Variants in OSBPL8 observed in about 807,000 individuals in gnomAD.
The protein encoded by OSBPL8 is oxysterol binding protein like 8.
Under a neutral mutation model 125.5 loss-of-function variants are expected in OSBPL8, and 59 were observed. The ratio of observed to expected loss-of-function variants is 0.47; its 90% CI spans 0.38 to 0.58. OSBPL8 has a LOEUF of 0.58. Among genes scored for constraint, OSBPL8 ranks in the 20% least tolerant of loss-of-function variants. OSBPL8 has a pLI of 0.00. For missense variants in OSBPL8, 758 were observed against 1,047.8 expected (o/e 0.72, Z 3.82); for synonymous variants, 330 against 338.9 (o/e 0.97, Z 0.29).
intron 1 of OSBPL8, among the ~76,000 whole-genome samples, chr12:76,540,488 G>A (rs1330261888): frequency 9.0e-5 from 1 of 11,118 alleles, no homozygotes; most frequent in African/African-American, 5.3e-4. Context: ...TTATATAGTC[G>A]TGTGTGTGTG....
At chr12:76,557,254 GATT>G (rs1201699620) in intron 1 of OSBPL8, among the ~76,000 whole-genome samples, 2 of 152,164 alleles carry the variant, frequency 1.3e-5, no homozygotes, top group Admixed American at 6.5e-5. Flanking sequence ...ACTTTTGAAG[GATT>G]ATTTACAAAC....
Position 76,352,668 on chromosome 12 carries a change from G to A in OSBPL8, c.*3221C>T, listed in dbSNP as rs533253190. The stretch of plus-strand genomic sequence containing the variant: ...AATATAATCTGCAGTCTCATGTATG[G>A]CTTATCAATAATGCCATCATCACTG... On this transcript the variant is annotated 3_prime_UTR_variant, in exon 24 of 24. Coordinates refer to ENST00000261183, the MANE Select transcript of OSBPL8 (RefSeq NM_020841.5). 1 of 152,474 alleles carries A rather than the reference G, an allele frequency of 6.6e-6. No homozygotes were observed. Among genetic ancestry groups the A allele is most frequent in the African/African-American group, 2.4e-5 (1 of 41,498 alleles). The allele number at this position is 152,474 out of a possible 1,614,324, so 9.4% of individuals were successfully genotyped here. A position where few individuals can be genotyped will look rare whatever the true frequency, so the allele number is the denominator to read the frequency against.
chr12:76,478,326 A>G, intron 2 of OSBPL8, among the ~76,000 whole-genome samples: 1 of 152,054 alleles, frequency 6.6e-6, no homozygotes, highest in East Asian at 1.9e-4. Context: ...AATATAAAGT[A>G]CCATGGTATT....
chr12:76,457,912 C>T (rs1874253515), intron 3 of OSBPL8, among the ~76,000 whole-genome samples: 2 of 152,166 alleles, frequency 1.3e-5, no homozygotes, highest in East Asian at 3.9e-4. Context: ...ATTAAAGAAA[C>T]TGAAGAATCC....
At chr12:76,508,541 G>GGGAACGCCTC (rs1160950144) in intron 1 of OSBPL8, among the ~76,000 whole-genome samples, 3 of 152,166 alleles carry the variant, frequency 2.0e-5, no homozygotes, top group Non-Finnish European at 4.4e-5. Context: ...TTCCCAGGAG[G>GGGAACGCCTC]TGAGGCGTTC....
chr12:76,365,080 C>T (rs751332954), intron 21 of OSBPL8, among the ~76,000 whole-genome samples: 1 of 152,132 alleles, frequency 6.6e-6, no homozygotes, highest in East Asian at 1.9e-4. Context: ...CTCAGCTTCC[C>T]GAGTAGCTGA....
At chr12:76,387,582 G>T (rs1293409617) in intron 12 of OSBPL8, among the ~76,000 whole-genome samples, 1 of 152,132 alleles carries the variant, frequency 6.6e-6, no homozygotes, top group South Asian at 2.1e-4. Flanking sequence ...CTGAGAAGTT[G>T]ATTTTGTTAT....
intron 21 of OSBPL8, among the ~76,000 whole-genome samples, chr12:76,360,421 T>C (rs1259169324): frequency 6.6e-6 from 1 of 152,220 alleles, no homozygotes; most frequent in African/African-American, 2.4e-5. Context: ...GGGTATCCCC[T>C]CCTGGCTGCT....
At chr12:76,447,838 C>T (rs1352970688) in intron 4 of OSBPL8, among the ~76,000 whole-genome samples, 1 of 152,196 alleles carries the variant, frequency 6.6e-6, no homozygotes, top group African/African-American at 2.4e-5. Context: ...TGAGCCACTG[C>T]ACCCGGTCAG....
At chr12:76,422,728 C>T in intron 4 of OSBPL8, 1 of 409,018 alleles carries the variant, frequency 2.4e-6, no homozygotes. Context: ...AGGCTTTTCT[C>T]TCACATCCAA....
At chr12:76,510,429 A>G (rs559457002) in intron 1 of OSBPL8, among the ~76,000 whole-genome samples, 8 of 152,350 alleles carry the variant, frequency 5.3e-5, no homozygotes, top group Non-Finnish European at 1.0e-4. Flanking sequence ...AAAACAAGAA[A>G]TCATTACTAT....
At chr12:76,477,582 G>A (rs1358881048) in intron 2 of OSBPL8, among the ~76,000 whole-genome samples, 5 of 152,024 alleles carry the variant, frequency 3.3e-5, no homozygotes, top group African/African-American at 1.2e-4. Flanking sequence ...TCATAATCAA[G>A]AAGAACATGA....
chr12:76,470,859 A>C (rs1163097809), intron 2 of OSBPL8, among the ~76,000 whole-genome samples: 1 of 152,212 alleles, frequency 6.6e-6, no homozygotes, highest in Non-Finnish European at 1.5e-5. Context: ...CTAGATAGAA[A>C]AGTCAAAATT....
intron 19 of OSBPL8, 24 bp from the exon 20 acceptor site, chr12:76,369,846 A>G: frequency 3.8e-6 from 6 of 1,574,496 alleles, no homozygotes; most frequent in South Asian, 3.5e-5. Flanking sequence ...GAAAATATTA[A>G]AAGTATTAAA....
chr12:76,369,924 A>G (rs774314020), intron 19 of OSBPL8, 102 bp from the exon 20 acceptor site: 5 of 1,160,920 alleles, frequency 4.3e-6, no homozygotes, highest in South Asian at 1.8e-5. Flanking sequence ...TAATGCTCAC[A>G]TGAATTTCTG....
In OSBPL8 at chr12:76,411,892, T is replaced by C. The variant is rs114316996; in HGVS notation, c.218-1258A>G. ...CACCATCCAGGTACAGGTGAAAACATAGAGCAACTGAAACTCTGTTCACTA... is the reference window on the plus strand; with the variant it reads ...CACCATCCAGGTACAGGTGAAAACACAGAGCAACTGAAACTCTGTTCACTA... On this transcript the variant is annotated intron_variant, in intron 4 of 23. Transcript: ENST00000261183. Among the ~76,000 whole-genome samples, 826 of 152,170 alleles carry C rather than the reference T, an allele frequency of 5.4e-3. 5 individuals are homozygous for C. Among genetic ancestry groups the C allele is most frequent in the African/African-American group, 0.019 (781 of 41,514 alleles).
chr12:76,491,262 C>T (rs188794063), intron 1 of OSBPL8, among the ~76,000 whole-genome samples: 315 of 152,286 alleles, frequency 2.1e-3, no homozygotes, highest in Non-Finnish European at 3.6e-3. Context: ...TTGACTTTTT[C>T]ACTAACAAAA....
chr12:76,449,711 A>G (rs1592702911), intron 4 of OSBPL8, among the ~76,000 whole-genome samples: 1 of 152,194 alleles, frequency 6.6e-6, no homozygotes, highest in Non-Finnish European at 1.5e-5. Context: ...TCTCTGTACT[A>G]TATTTTTTAA....
intron 4 of OSBPL8, among the ~76,000 whole-genome samples, chr12:76,430,401 G>A (rs572389192): frequency 2.6e-5 from 4 of 152,054 alleles, no homozygotes; most frequent in Non-Finnish European, 4.4e-5. Flanking sequence ...GGCAAAAGGA[G>A]GTCTTTATCT....
Sources: gnomAD v4.1 joint callset for allele counts (sites outside exome capture counted in the v4.1 genomes callset) on GRCh38, gnomAD v4.1.1 for gene constraint, MANE v1.5 for transcripts, NCBI Gene and HGNC (gene_info 2026-07-23, HGNC 2026-07-21) for gene names.